IBSP: variants seen among roughly 807,000 people sequenced by gnomAD.
The protein encoded by IBSP is integrin-binding sialoprotein.
In IBSP, 19 loss-of-function variants were observed where a neutral mutation model predicts 25.5. The observed-to-expected ratio is 0.74, with a 90% CI of 0.52 to 1.09. IBSP has a LOEUF of 1.09. IBSP is among the 50% of genes least tolerant of loss of function. The pLI, the probability that IBSP is intolerant of heterozygous loss-of-function variation, is 0.00. For missense variants in IBSP, 360 were observed against 382.3 expected (o/e 0.94, Z 0.49); for synonymous variants, 144 against 137.6 (o/e 1.05, Z -0.33).
chr4:87,806,106 G>A lies in IBSP; in HGVS notation c.184-16G>A, dbSNP rs553164371. 26 of 1,561,616 alleles carry A rather than the reference G, an allele frequency of 1.7e-5. No individual in the cohort carries two copies. The South Asian group carries it at 1.8e-4, about 11-fold the overall frequency. ...TACACAGATAAGAGTATACATACAT[G>A]TGTATATATTTTTAGGGCAGTAGTG... On this transcript the variant is annotated splice_polypyrimidine_tract_variant and intron_variant, in intron 4 of 6. Coordinates refer to ENST00000226284, the MANE Select transcript of IBSP (RefSeq NM_004967.4).
intron 1 of IBSP, among the ~76,000 whole-genome samples, chr4:87,801,875 G>A (rs896559016): frequency 2.6e-5 from 4 of 152,030 alleles, no homozygotes; most frequent in South Asian, 4.2e-4. Context: ...GGACTCAAGC[G>A]ATCTGCCCAC....
At position 87,806,101 on chromosome 4, in the gene IBSP, T is replaced by TA. The variant is rs528780320; in HGVS notation, c.184-20dup. 5.3e-5 allele frequency: 84 copies of TA among 1,573,384 alleles called. 1 individual carries two copies. In the East Asian group the frequency reaches 1.7e-3, roughly 32 times the overall value. On this transcript the variant is annotated intron_variant, in intron 4 of 6. Coordinates refer to ENST00000226284, the MANE Select transcript of IBSP (RefSeq NM_004967.4). The stretch of plus-strand genomic sequence containing the variant: ...ATTTGTACACAGATAAGAGTATACA[T>TA]ACATGTGTATATATTTTTAGGGCAG...
At chr4:87,807,826 G>A (rs1218096726) in intron 5 of IBSP, among the ~76,000 whole-genome samples, 1 of 152,196 alleles carries the variant, frequency 6.6e-6, no homozygotes, top group African/African-American at 2.4e-5. Flanking sequence ...TTGGGGAAGA[G>A]CCATGCTACT....
In IBSP at chr4:87,811,779, T is replaced by C; in HGVS notation, c.823T>C (p.Tyr275His). 6.2e-7 allele frequency: 1 copy of C among 1,613,630 alleles called. No homozygotes were observed. Among genetic ancestry groups the C allele is most frequent in the Non-Finnish European group, 8.5e-7 (1 of 1,179,830 alleles). Residue 275 changes from tyrosine (Y) to histidine (H), a missense_variant, in exon 7 of 7, where the codon TAT becomes CAT. Tyr to His is a moderately conservative substitution (Grantham distance 83). Transcript: ENST00000226284. ...YTGANEYDNG[Y>H]EIYESENGEP... ...GGGCGCCAATGAATACGACAATGGA[T>C]ATGAAATCTATGAAAGTGAGAACGG...
At chr4:87,806,487 G>A (rs1042666271) in intron 5 of IBSP, among the ~76,000 whole-genome samples, 6 of 151,704 alleles carry the variant, frequency 4.0e-5, no homozygotes, top group African/African-American at 1.5e-4. Context: ...TATAAAATCT[G>A]ATAAAAAGTA....
chr4:87,811,828 G>C lies in IBSP; in HGVS notation c.872G>C (p.Arg291Pro), dbSNP rs1393066342. 1.2e-6 allele frequency: 2 copies of C among 1,607,558 alleles called. No individual in the cohort carries two copies. The highest frequency in any genetic ancestry group is 1.7e-5 in the Admixed American group (1 of 59,334). The change falls in exon 7 of 7, where the codon CGA becomes CCA. Residue 291 changes from arginine (R) to proline (P), a missense_variant. Arg to Pro is a moderately radical substitution (Grantham distance 103). Coordinates refer to ENST00000226284, the MANE Select transcript of IBSP (RefSeq NM_004967.4). ...ENGEPRGDNY[R>P]AYEDEYSYFK... ...GGGGAACCTCGTGGGGACAATTACC[G>C]AGCCTATGAAGATGAGTACAGCTAC...
At chr4:87,805,153 G>T (rs1722073244) in intron 4 of IBSP, among the ~76,000 whole-genome samples, 1 of 152,080 alleles carries the variant, frequency 6.6e-6, no homozygotes, top group Non-Finnish European at 1.5e-5. Flanking sequence ...CATGAATGTT[G>T]TCTCACATTT....
At position 87,801,334 on chromosome 4, in the gene IBSP, C is replaced by T. The variant is rs554789594; in HGVS notation, c.-14-1014C>T. 6.6e-5 allele frequency among the ~76,000 whole-genome samples: 10 copies of T among 151,878 alleles called. 1 individual carries two copies. In the East Asian group the frequency reaches 1.9e-3, roughly 29 times the overall value. On this transcript the variant is annotated intron_variant, in intron 1 of 6. Transcript: ENST00000226284. ...AAATTAATTTGAGGAAATCTGCCCC[C>T]GATATCTCAAGGCGAAACTCTGAAG...
intron 5 of IBSP, 66 bp downstream of exon 5, chr4:87,806,250 T>A: frequency 8.2e-7 from 1 of 1,220,084 alleles, no homozygotes; most frequent in Non-Finnish European, 1.2e-6. Context: ...GAAACTAGTC[T>A]ATTGCATTCT....
intron 4 of IBSP, among the ~76,000 whole-genome samples, chr4:87,803,114 G>C (rs1481504671): frequency 6.6e-6 from 1 of 152,152 alleles, no homozygotes. Flanking sequence ...CTGTCAGATA[G>C]CTGTTTACAT....
chr4:87,803,011 T>C (rs2110056146), intron 4 of IBSP, among the ~76,000 whole-genome samples: 1 of 152,332 alleles, frequency 6.6e-6, no homozygotes, highest in Admixed American at 6.5e-5. Context: ...GTATTTTTGC[T>C]AACTCACAGA....
intron 1 of IBSP, among the ~76,000 whole-genome samples, chr4:87,801,233 C>G (rs142233004): frequency 8.9e-4 from 135 of 152,146 alleles, no homozygotes; most frequent in African/African-American, 3.1e-3. Context: ...GTCACCCTAA[C>G]CCTGGAGAGC....
intron 1 of IBSP, among the ~76,000 whole-genome samples, chr4:87,800,006 T>C (rs1314016774): frequency 6.6e-6 from 1 of 152,174 alleles, no homozygotes; most frequent in African/African-American, 2.4e-5. Context: ...AAATTATACC[T>C]AGTCTGTACT....
chr4:87,806,267 A>G, intron 5 of IBSP, 83 bp downstream of exon 5: 2 of 1,003,486 alleles, frequency 2.0e-6, no homozygotes, highest in Non-Finnish European at 3.1e-6. Flanking sequence ...TTCTGGACTC[A>G]GCAAATAGCC....
In IBSP at chr4:87,812,344, A is replaced by T. The variant is rs1722191638; in HGVS notation, c.*434A>T. 1 of 155,710 alleles carries T rather than the reference A, an allele frequency of 6.4e-6. No individual in the cohort carries two copies. The highest frequency in any genetic ancestry group is 2.1e-4 in the South Asian group (1 of 4,872). 9.6% of individuals were successfully genotyped at this position (155,710 alleles called of 1,614,324 possible). Reference sequence around the variant, plus strand: ...TCGCACTACCTATGCAACACTGTGTATTAGGTTTATCATCCTCATGTATTT... The same window carrying T: ...TCGCACTACCTATGCAACACTGTGTTTTAGGTTTATCATCCTCATGTATTT... On this transcript the variant is annotated 3_prime_UTR_variant, in exon 7 of 7. Coordinates refer to ENST00000226284, the MANE Select transcript of IBSP (RefSeq NM_004967.4).
At chr4:87,806,747 G>A (rs561261186) in intron 5 of IBSP, among the ~76,000 whole-genome samples, 2 of 152,286 alleles carry the variant, frequency 1.3e-5, no homozygotes, top group African/African-American at 4.8e-5. Flanking sequence ...GCTCATGCCT[G>A]TAATTCCAAC....
chr4:87,803,259 T>C (rs1259853551), intron 4 of IBSP, among the ~76,000 whole-genome samples: 1 of 152,118 alleles, frequency 6.6e-6, no homozygotes, highest in Non-Finnish European at 1.5e-5. Flanking sequence ...TGTGGGTCAC[T>C]AGAGCAATAT....
At chr4:87,802,999 T>C (rs1722042010) in intron 4 of IBSP, among the ~76,000 whole-genome samples, 1 of 152,226 alleles carries the variant, frequency 6.6e-6, no homozygotes, top group African/African-American at 2.4e-5. Context: ...CATTGAGCTC[T>C]GGTATTTTTG....
chr4:87,802,747 C>T lies in IBSP; in HGVS notation c.183+16C>T. The T allele has an allele frequency of 1.4e-6, 2 of 1,442,156 alleles. No individual in the cohort carries two copies. Among genetic ancestry groups the T allele is most frequent in the Non-Finnish European group, 1.8e-6 (2 of 1,081,144 alleles). The allele number at this position is 1,442,156 out of a possible 1,614,324, so 89.3% of individuals were successfully genotyped here. A position where few individuals can be genotyped will look rare whatever the true frequency, so the allele number is the denominator to read the frequency against. The stretch of plus-strand genomic sequence containing the variant: ...TCCAGTTCAGGTAAATATAGAAATT[C>T]ATTTTTCTTCAGTTTAATTTCTATT... On this transcript the variant is annotated intron_variant, in intron 4 of 6. Transcript: ENST00000226284.
Sources: allele counts gnomAD v4.1 joint callset (sites outside exome capture counted in the v4.1 genomes callset), GRCh38; gene constraint gnomAD v4.1.1; transcripts MANE v1.5; gene names NCBI Gene and HGNC (gene_info 2026-07-23, HGNC 2026-07-21).